Variants in DOCK3 observed in about 807,000 individuals in gnomAD.
The protein encoded by DOCK3 is dedicator of cytokinesis 3.
In DOCK3, 60 loss-of-function variants were observed where a neutral mutation model predicts 265.6. The ratio of observed to expected loss-of-function variants is 0.23; its 90% CI spans 0.18 to 0.28. The LOEUF is 0.28. Ranked by LOEUF, DOCK3 falls within the 10% of genes least tolerant of loss-of-function variation. The pLI, the probability that DOCK3 is intolerant of heterozygous loss-of-function variation, is 1.00. For missense variants in DOCK3, 1,981 were observed against 2,594.3 expected (o/e 0.76, Z 5.14); for synonymous variants, 881 against 938.0 (o/e 0.94, Z 1.11).
At chr3:51,206,800 G>A (rs2089239358) in intron 12 of DOCK3, among the ~76,000 whole-genome samples, 1 of 152,176 alleles carries the variant, frequency 6.6e-6, no homozygotes, top group African/African-American at 2.4e-5. Context: ...CCCATTAGAA[G>A]ATTATTATAC....
chr3:51,377,562 G>T (rs2088241279), intron 51 of DOCK3, among the ~76,000 whole-genome samples: 1 of 152,232 alleles, frequency 6.6e-6, no homozygotes, highest in South Asian at 2.1e-4. Context: ...GAGGCGACAG[G>T]ATACAGTTGG....
Position 51,173,914 on chromosome 3 carries a change from G to A in DOCK3, c.1037+13212G>A, listed in dbSNP as rs548044437. 1.6e-4 allele frequency among the ~76,000 whole-genome samples: 25 copies of A among 152,014 alleles called. No homozygotes were observed. The South Asian group carries it at 1.9e-3, about 11-fold the overall frequency. On this transcript the variant is annotated intron_variant, in intron 12 of 52. Transcript: ENST00000266037. Reference sequence around the variant, plus strand: ...TCCCCCTTTTCTTTCCTCCTTCTGGGACAAATATAATGCTTATATTTGTTA... The same window carrying A: ...TCCCCCTTTTCTTTCCTCCTTCTGGAACAAATATAATGCTTATATTTGTTA...
intron 5 of DOCK3, among the ~76,000 whole-genome samples, chr3:50,965,437 C>G (rs1358070618): frequency 6.6e-6 from 1 of 151,704 alleles, no homozygotes; most frequent in African/African-American, 2.4e-5. Context: ...AAGATCTGAG[C>G]AGAAATACAT....
At chr3:51,109,736 C>T (rs2083435216) in intron 9 of DOCK3, among the ~76,000 whole-genome samples, 1 of 151,976 alleles carries the variant, frequency 6.6e-6, no homozygotes, top group Non-Finnish European at 1.5e-5. Flanking sequence ...AATTTGAGAC[C>T]AGCTTAGGCA....
intron 25 of DOCK3, chr3:51,276,297 T>C (rs1303337323): frequency 2.2e-6 from 2 of 925,240 alleles, no homozygotes; most frequent in Non-Finnish European, 2.6e-6. Flanking sequence ...GCAGCTCTTC[T>C]TCCCACCAGG....
At chr3:50,943,570 T>TTATCTA (rs2076352582) in intron 5 of DOCK3, among the ~76,000 whole-genome samples, 10 of 152,130 alleles carry the variant, frequency 6.6e-5, no homozygotes, top group African/African-American at 2.4e-4. Flanking sequence ...AGATGTTTTC[T>TTATCTA]TTTTCTTATC....
intron 5 of DOCK3, among the ~76,000 whole-genome samples, chr3:50,978,409 G>A (rs894489581): frequency 1.6e-5 from 1 of 63,422 alleles, no homozygotes; most frequent in African/African-American, 3.8e-5. Context: ...TGCCGTGTGA[G>A]GTGTCAGTGT....
At chr3:50,775,427 G>A (rs1576399752) in intron 1 of DOCK3, among the ~76,000 whole-genome samples, 2 of 151,802 alleles carry the variant, frequency 1.3e-5, no homozygotes, top group Admixed American at 6.6e-5. Context: ...ATCCTTTTAT[G>A]ATGATTTTAA....
intron 5 of DOCK3, among the ~76,000 whole-genome samples, chr3:50,988,936 C>T (rs2078002346): frequency 6.6e-6 from 1 of 152,180 alleles, no homozygotes; most frequent in Non-Finnish European, 1.5e-5. Context: ...CAGAAAGCCT[C>T]TCTGGCACTG....
At chr3:50,763,044 A>G (rs2040627908) in intron 1 of DOCK3, among the ~76,000 whole-genome samples, 1 of 152,070 alleles carries the variant, frequency 6.6e-6, no homozygotes, top group African/African-American at 2.4e-5. Flanking sequence ...TAAGTTGAAA[A>G]TCCATTAAAA....
chr3:51,038,371 T>C (rs114830140), intron 5 of DOCK3, among the ~76,000 whole-genome samples: 16 of 152,334 alleles, frequency 1.1e-4, no homozygotes, highest in African/African-American at 3.6e-4. Context: ...AGAAACCAAC[T>C]GTTCATAATA....
chr3:51,023,071 C>T (rs751686337), intron 5 of DOCK3, among the ~76,000 whole-genome samples: 3 of 152,118 alleles, frequency 2.0e-5, no homozygotes, highest in Non-Finnish European at 4.4e-5. Flanking sequence ...ATTCTTTGAG[C>T]TTCTTGTAGG....
At chr3:51,230,562 G>A (rs1334280728) in intron 19 of DOCK3, among the ~76,000 whole-genome samples, 2 of 152,062 alleles carry the variant, frequency 1.3e-5, no homozygotes, top group Non-Finnish European at 2.9e-5. Context: ...CTGTCGCCAG[G>A]CTGGAGTGCA....
At position 51,356,093 on chromosome 3, in the gene DOCK3, G is replaced by A. The variant is rs777817271; in HGVS notation, c.4254G>A (p.Leu1418=). 1 of 1,613,974 alleles carries A rather than the reference G, an allele frequency of 6.2e-7. No individual in the cohort carries two copies. The highest frequency in any genetic ancestry group is 8.5e-7 in the Non-Finnish European group (1 of 1,179,868). The change falls in exon 42 of 53, where the codon TTG becomes TTA. Residue 1418 remains leucine (L), a synonymous_variant. Coordinates refer to ENST00000266037, the MANE Select transcript of DOCK3 (RefSeq NM_004947.5). ...DAILQCDAQY[L]QIYAVTPIPD... The stretch of plus-strand genomic sequence containing the variant: ...TCTCCTTCACTTCCTGCCCAGACTT[G>A]CAGATCTATGCAGTGACGCCCATTC...
intron 21 of DOCK3, among the ~76,000 whole-genome samples, chr3:51,238,624 G>A (rs543834989): frequency 5.9e-5 from 9 of 152,048 alleles, no homozygotes; most frequent in East Asian, 5.8e-4. Context: ...TCTACCCTCC[G>A]ATAGGCCTCG....
chr3:51,247,602 CATT>C (rs1223515160), intron 22 of DOCK3, among the ~76,000 whole-genome samples: 1 of 152,204 alleles, frequency 6.6e-6, no homozygotes, highest in Non-Finnish European at 1.5e-5. Flanking sequence ...TTTTCTCAAG[CATT>C]ATCAGACTGA....
intron 5 of DOCK3, among the ~76,000 whole-genome samples, chr3:50,972,073 T>C (rs1260371943): frequency 2.6e-5 from 4 of 152,160 alleles, no homozygotes; most frequent in Non-Finnish European, 4.4e-5. Context: ...GCTGTGAAGA[T>C]ATCTATCTTG....
chr3:51,227,499 C>T, intron 16 of DOCK3, 54 bp downstream of exon 16: 1 of 1,602,878 alleles, frequency 6.2e-7, no homozygotes, highest in Non-Finnish European at 8.5e-7. Flanking sequence ...ATATAACTCT[C>T]TCCTCTCTTG....
chr3:51,364,688 A>G (rs1313810283), intron 49 of DOCK3, among the ~76,000 whole-genome samples: 1 of 152,244 alleles, frequency 6.6e-6, no homozygotes, highest in African/African-American at 2.4e-5. Context: ...ATCCAGTTTC[A>G]GCTTTCTACA....
Sources: allele counts gnomAD v4.1 joint callset (sites outside exome capture counted in the v4.1 genomes callset), GRCh38; gene constraint gnomAD v4.1.1; transcripts MANE v1.5; gene names NCBI Gene and HGNC (gene_info 2026-07-23, HGNC 2026-07-21).